Variants in SCLT1 observed in about 807,000 individuals in gnomAD.
SCLT1 encodes sodium channel and clathrin linker 1.
A neutral mutation model predicts 112.8 loss-of-function variants in SCLT1; 78 were observed. That is an observed-to-expected ratio of 0.69 (90% confidence interval 0.58 to 0.83). The LOEUF (loss-of-function observed/expected upper bound fraction) is 0.83. Among genes scored for constraint, SCLT1 ranks in the 40% least tolerant of loss-of-function variants. The pLI is 0.00. For synonymous variants in SCLT1, 257 were observed against 254.7 expected, an observed-to-expected ratio of 1.01 and a Z score of -0.09; for missense variants, 747 against 770.4, an observed-to-expected ratio of 0.97 and a Z score of 0.36.
At chr4:128,953,590 C>T (rs906251971) in intron 13 of SCLT1, among the ~76,000 whole-genome samples, 10 of 151,474 alleles carry the variant, frequency 6.6e-5, no homozygotes, top group African/African-American at 1.9e-4. Context: ...GTCAGGAGAC[C>T]GAGACCATTC....
At position 128,945,830 on chromosome 4, in the gene SCLT1, C is replaced by T. The variant is rs541516726; in HGVS notation, c.1439+177G>A. Among the ~76,000 whole-genome samples the T allele has an allele frequency of 2.0e-5, 3 of 152,046 alleles. No individual in the cohort carries two copies. The South Asian group carries it at 6.2e-4, about 32-fold the overall frequency. On this transcript the variant is annotated intron_variant, in intron 16 of 20. Coordinates refer to ENST00000281142, the MANE Select transcript of SCLT1 (RefSeq NM_144643.4). ...GTATGCTACTGTTAAATCTTTTCTT[C>T]CTGCAGAAATTCGCTTTCAGAAATA...
At chr4:128,957,766 T>C (rs779321409) in intron 12 of SCLT1, among the ~76,000 whole-genome samples, 10 of 152,134 alleles carry the variant, frequency 6.6e-5, no homozygotes, top group Non-Finnish European at 1.2e-4. Context: ...ATGATCTCCA[T>C]ATTGATTATC....
At chr4:128,993,147 T>A (rs1406028088) in intron 8 of SCLT1, among the ~76,000 whole-genome samples, 1 of 152,032 alleles carries the variant, frequency 6.6e-6, no homozygotes, top group East Asian at 1.9e-4. Flanking sequence ...CCTCATTCTG[T>A]CTGCATTCAT....
intron 2 of SCLT1, among the ~76,000 whole-genome samples, chr4:129,068,216 G>A (rs1750664982): frequency 6.6e-6 from 1 of 151,364 alleles, no homozygotes; most frequent in African/African-American, 2.4e-5. Context: ...ATATATGTAT[G>A]TGTGTGTGTG....
At chr4:129,057,651 T>TGGAG (rs1749555670) in intron 2 of SCLT1, among the ~76,000 whole-genome samples, 1 of 151,820 alleles carries the variant, frequency 6.6e-6, no homozygotes, top group East Asian at 1.9e-4. Context: ...CATTTAATCT[T>TGGAG]GGAGGGTTCT....
intron 18 of SCLT1, among the ~76,000 whole-genome samples, chr4:128,910,916 G>T (rs1442551932): frequency 6.6e-6 from 1 of 151,646 alleles, no homozygotes; most frequent in East Asian, 1.9e-4. Context: ...TTGATATCTG[G>T]TAGGGAAAAT....
intron 2 of SCLT1, among the ~76,000 whole-genome samples, chr4:129,055,262 G>A (rs1204940613): frequency 1.3e-5 from 2 of 152,182 alleles, no homozygotes; most frequent in African/African-American, 4.8e-5. Context: ...CACTGGAGGA[G>A]GCACTCAGTC....
chr4:129,020,108 C>T (rs1045462486), intron 5 of SCLT1, among the ~76,000 whole-genome samples: 3 of 152,150 alleles, frequency 2.0e-5, no homozygotes, highest in African/African-American at 7.2e-5. Context: ...AGCCATATTA[C>T]ATGGCCTGAA....
chr4:128,950,158 G>A (rs898327257), intron 14 of SCLT1, among the ~76,000 whole-genome samples: 2 of 151,944 alleles, frequency 1.3e-5, no homozygotes, highest in Non-Finnish European at 2.9e-5. Context: ...TCTAGGAGAG[G>A]GTAGTTTCAG....
At chr4:129,017,033 A>C (rs1396447835) in intron 5 of SCLT1, among the ~76,000 whole-genome samples, 1 of 152,214 alleles carries the variant, frequency 6.6e-6, no homozygotes, top group Admixed American at 6.5e-5. Context: ...GCTGCACCTT[A>C]CTAGTTTGAT....
chr4:128,923,559 G>A (rs191710668), intron 18 of SCLT1, among the ~76,000 whole-genome samples: 10 of 150,154 alleles, frequency 6.7e-5, no homozygotes, highest in Non-Finnish European at 1.5e-5. Context: ...CATCCAAACT[G>A]TTTTATCATT....
chr4:128,900,854 G>A (rs1391395260), intron 18 of SCLT1, among the ~76,000 whole-genome samples: 2 of 152,140 alleles, frequency 1.3e-5, no homozygotes, highest in African/African-American at 2.4e-5. Context: ...CCATCAAAAA[G>A]TGGGTGAAGG....
At chr4:129,069,271 C>T (rs1433350062) in intron 2 of SCLT1, among the ~76,000 whole-genome samples, 1 of 151,924 alleles carries the variant, frequency 6.6e-6, no homozygotes, top group East Asian at 1.9e-4. Flanking sequence ...TCTTTTAGTT[C>T]CATATGAATT....
At chr4:128,936,600 A>T (rs944404844) in intron 18 of SCLT1, 55 bp downstream of exon 18, 1 of 1,092,172 alleles carries the variant, frequency 9.2e-7, no homozygotes, top group Non-Finnish European at 1.3e-6. Context: ...ACATTAAACT[A>T]TAGGTTAAAG....
At chr4:128,880,036 C>T (rs771543065), downstream of SCLT1, among the ~76,000 whole-genome samples, 58 of 152,134 alleles carry the variant, frequency 3.8e-4, no homozygotes, top group Non-Finnish European at 1.3e-4. Flanking sequence ...TAGGATGCCA[C>T]ATGGATTTAC....
intron 6 of SCLT1, among the ~76,000 whole-genome samples, chr4:129,001,347 G>A (rs1743465887): frequency 6.6e-6 from 1 of 151,402 alleles, no homozygotes; most frequent in Non-Finnish European, 1.5e-5. Flanking sequence ...GGGGGGGTGG[G>A]GAGGCACAGC....
intron 14 of SCLT1, among the ~76,000 whole-genome samples, chr4:128,948,971 T>C (rs929336633): frequency 1.1e-4 from 17 of 152,168 alleles, no homozygotes; most frequent in Non-Finnish European, 2.1e-4. Context: ...GTATAAATTC[T>C]AAAAAAGTTA....
intron 6 of SCLT1, among the ~76,000 whole-genome samples, chr4:129,002,750 G>A (rs1680132270): frequency 6.6e-6 from 1 of 152,172 alleles, no homozygotes; most frequent in South Asian, 2.1e-4. Context: ...TCTCATGCCA[G>A]TTAGAATGGT....
intron 2 of SCLT1, among the ~76,000 whole-genome samples, chr4:129,049,336 G>A (rs1579843156): frequency 1.3e-5 from 2 of 152,028 alleles, no homozygotes; most frequent in South Asian, 4.2e-4. Flanking sequence ...TGTAGGACAT[G>A]GATGAAATTG....
Sources: allele counts gnomAD v4.1 joint callset (sites outside exome capture counted in the v4.1 genomes callset), GRCh38; gene constraint gnomAD v4.1.1; transcripts MANE v1.5; gene names NCBI Gene and HGNC (gene_info 2026-07-23, HGNC 2026-07-21).